Variants in FBXL13 observed in about 807,000 individuals in gnomAD.
FBXL13 encodes F-box and leucine rich repeat protein 13.
Under a neutral mutation model 83.6 loss-of-function variants are expected in FBXL13, and 67 were observed. That is an observed-to-expected ratio of 0.80 (90% CI 0.66 to 0.98). The LOEUF is 0.98. Ranked by LOEUF, FBXL13 falls within the 50% of genes least tolerant of loss-of-function variation. FBXL13 has a pLI of 0.00. For synonymous variants in FBXL13, 272 were observed against 299.5 expected, an observed-to-expected ratio of 0.91 and a Z score of 0.95; for missense variants, 822 against 866.5, an observed-to-expected ratio of 0.95 and a Z score of 0.64.
chr7:103,056,425 C>T (rs371040313), intron 1 of FBXL13, among the ~76,000 whole-genome samples: 2 of 152,012 alleles, frequency 1.3e-5, no homozygotes, highest in African/African-American at 4.8e-5. Context: ...GGTAGTTCTA[C>T]GTTTAGTTCT....
chr7:103,016,800 G>T (rs1792398956), intron 6 of FBXL13, among the ~76,000 whole-genome samples: 1 of 152,212 alleles, frequency 6.6e-6, no homozygotes, highest in Admixed American at 6.5e-5. Context: ...CATTGCTGAG[G>T]CTTGAGTAGG....
intron 17 of FBXL13, among the ~76,000 whole-genome samples, chr7:102,833,744 A>T (rs1178923952): frequency 1.3e-5 from 2 of 151,936 alleles, no homozygotes; most frequent in Non-Finnish European, 2.9e-5. Context: ...ACTTAGGGAA[A>T]ATAACATCTA....
chr7:102,813,797 C>A (rs958651158), intron 19 of FBXL13, among the ~76,000 whole-genome samples: 12 of 152,156 alleles, frequency 7.9e-5, no homozygotes, highest in Admixed American at 3.3e-4. Context: ...GGAAGAGGAA[C>A]ACTGAGGCCT....
At position 102,995,478 on chromosome 7, in the gene FBXL13, C is replaced by CAAAA. The variant is rs1158263069; in HGVS notation, c.496-27365_496-27362dup. The stretch of plus-strand genomic sequence containing the variant: ...CCTGGATGACAGCGAGACTCCATCT[C>CAAAA]AAAAAAAAAAAAAAAAAAAAAAAAA... On this transcript the variant is annotated intron_variant, in intron 6 of 19. Coordinates refer to ENST00000313221, the Ensembl canonical transcript of FBXL13. Among the ~76,000 whole-genome samples, 56 of 28,594 alleles carry CAAAA rather than the reference C, an allele frequency of 2.0e-3. 3 individuals are homozygous for CAAAA. Among genetic ancestry groups the CAAAA allele is most frequent in the African/African-American group, 8.5e-3 (52 of 6,114 alleles). The allele number at this position is 28,594 out of a possible 152,430, so 18.8% of individuals were successfully genotyped here. A position where few individuals can be genotyped will look rare whatever the true frequency, so the allele number is the denominator to read the frequency against.
intron 11 of FBXL13, among the ~76,000 whole-genome samples, chr7:102,912,754 C>A (rs1419364527): frequency 7.3e-6 from 1 of 137,548 alleles, no homozygotes; most frequent in Non-Finnish European, 1.5e-5. Context: ...TCAAAACATT[C>A]TCTTTGTTTG....
chr7:102,907,684 T>C (rs1251017653), intron 11 of FBXL13, among the ~76,000 whole-genome samples: 1 of 152,170 alleles, frequency 6.6e-6, no homozygotes, highest in Admixed American at 6.5e-5. Context: ...TATTCCATGG[T>C]GTATATGTGC....
At chr7:103,065,683 T>C (rs1483797027) in intron 1 of FBXL13, among the ~76,000 whole-genome samples, 1 of 152,086 alleles carries the variant, frequency 6.6e-6, no homozygotes, top group Non-Finnish European at 1.5e-5. Context: ...AAAGATGAAA[T>C]AACCTTGGAA....
At chr7:102,863,447 C>G (rs1807144692) in intron 16 of FBXL13, among the ~76,000 whole-genome samples, 1 of 150,478 alleles carries the variant, frequency 6.6e-6, no homozygotes, top group Admixed American at 6.7e-5. Flanking sequence ...TTCTTTCATG[C>G]CTTTTTAATT....
intron 6 of FBXL13, among the ~76,000 whole-genome samples, chr7:103,023,794 T>G: frequency 6.6e-6 from 1 of 152,096 alleles, no homozygotes; most frequent in African/African-American, 2.4e-5. Flanking sequence ...TATGCAGCCA[T>G]AAAAAAGAAT....
intron 1 of FBXL13, among the ~76,000 whole-genome samples, chr7:103,059,425 C>T (rs906293041): frequency 1.3e-5 from 2 of 152,140 alleles, no homozygotes; most frequent in Non-Finnish European, 2.9e-5. Flanking sequence ...AGCTTTTTCC[C>T]TGCCCAATGA....
chr7:102,834,089 A>AGGAAGG (rs1291419171), intron 17 of FBXL13, among the ~76,000 whole-genome samples: 1 of 68,516 alleles, frequency 1.5e-5, no homozygotes, highest in African/African-American at 6.2e-5. Context: ...AGGAAAGAAA[A>AGGAAGG]GAAAGAAAGA....
At chr7:102,896,687 T>C (rs556800758) in intron 11 of FBXL13, among the ~76,000 whole-genome samples, 13 of 152,308 alleles carry the variant, frequency 8.5e-5, no homozygotes, top group African/African-American at 3.1e-4. Flanking sequence ...CAGGTTCACA[T>C]AGCATTCTCC....
chr7:102,963,505 G>A (rs2129479659), intron 8 of FBXL13, 28 bp downstream of exon 9: 2 of 1,600,720 alleles, frequency 1.2e-6, no homozygotes, highest in East Asian at 4.5e-5. Context: ...AGGAAAGCAA[G>A]ACAAATAGTT....
intron 11 of FBXL13, among the ~76,000 whole-genome samples, chr7:102,896,716 G>A (rs1012271344): frequency 2.6e-5 from 4 of 152,242 alleles, no homozygotes; most frequent in Non-Finnish European, 5.9e-5. Flanking sequence ...TTGTGTCTGT[G>A]TCCAAATTTC....
intron 16 of FBXL13, among the ~76,000 whole-genome samples, chr7:102,862,120 G>A (rs929885937): frequency 6.6e-6 from 1 of 152,038 alleles, no homozygotes; most frequent in Admixed American, 6.5e-5. Context: ...CAAGGCGGGT[G>A]GATCATGAGG....
intron 7 of FBXL13, among the ~76,000 whole-genome samples, chr7:102,964,385 T>G (rs1825741112): frequency 7.0e-6 from 1 of 142,250 alleles, no homozygotes; most frequent in South Asian, 2.2e-4. Flanking sequence ...CACACAATTT[T>G]GTGACTATAT....
intron 8 of FBXL13, among the ~76,000 whole-genome samples, chr7:102,951,315 G>A (rs1823353005): frequency 6.6e-6 from 1 of 150,376 alleles, no homozygotes. Context: ...AGCAGAGGTT[G>A]CAGTGAGCCA....
chr7:103,036,191 C>A (rs1016553620), intron 2 of FBXL13, among the ~76,000 whole-genome samples: 5 of 152,156 alleles, frequency 3.3e-5, no homozygotes, highest in South Asian at 2.1e-4. Context: ...CACCACCCCA[C>A]CACAGTCCAT....
chr7:102,941,585 G>A (rs1317370998), intron 8 of FBXL13, among the ~76,000 whole-genome samples: 4 of 152,000 alleles, frequency 2.6e-5, no homozygotes, highest in Admixed American at 6.6e-5. Context: ...TCTAGGCAGC[G>A]GGCAAGGTGA....
Sources: gnomAD v4.1 joint callset for allele counts (sites outside exome capture counted in the v4.1 genomes callset) on GRCh38, gnomAD v4.1.1 for gene constraint, MANE v1.5 for transcripts, NCBI Gene and HGNC (gene_info 2026-07-23, HGNC 2026-07-21) for gene names.